DEPTOR: variants seen among roughly 807,000 people sequenced by gnomAD.
The protein encoded by DEPTOR is DEP domain containing MTOR interacting protein.
A neutral mutation model predicts 41.6 loss-of-function variants in DEPTOR; 41 were observed. The observed-to-expected ratio is 0.98, with a 90% CI of 0.77 to 1.28. The LOEUF (loss-of-function observed/expected upper bound fraction) is 1.28, where lower values mean the gene tolerates loss of function less well. DEPTOR is among the 50% of genes most tolerant of loss of function. The pLI is 0.00. For missense variants in DEPTOR, 514 were observed against 527.9 expected (o/e 0.97, Z 0.26); for synonymous variants, 195 against 192.3 (o/e 1.01, Z -0.12).
chr8:120,011,156 G>C (rs1812526590), intron 8 of DEPTOR, among the ~76,000 whole-genome samples: 1 of 152,198 alleles, frequency 6.6e-6, no homozygotes, highest in African/African-American at 2.4e-5. Flanking sequence ...GAAAAAATAA[G>C]TGGGCAACAG....
intron 8 of DEPTOR, among the ~76,000 whole-genome samples, chr8:120,038,240 G>C (rs186027300): frequency 0.01 from 1,531 of 146,300 alleles, 16 homozygotes; most frequent in Non-Finnish European, 0.014. Flanking sequence ...CTGCACTCCA[G>C]CCTGGGTGAC....
intron 8 of DEPTOR, among the ~76,000 whole-genome samples, chr8:120,012,569 C>T (rs1812546050): frequency 6.6e-6 from 1 of 151,904 alleles, no homozygotes; most frequent in South Asian, 2.1e-4. Context: ...CAGAGTCTGG[C>T]TTTGTTGCCC....
chr8:120,022,032 G>A (rs934403953), intron 8 of DEPTOR, among the ~76,000 whole-genome samples: 8 of 151,884 alleles, frequency 5.3e-5, no homozygotes, highest in Non-Finnish European at 1.2e-4. Flanking sequence ...CTACTGGCAC[G>A]TAGTAGTCCC....
intron 4 of DEPTOR, among the ~76,000 whole-genome samples, chr8:119,997,215 G>C (rs1314060642): frequency 1.3e-5 from 2 of 152,094 alleles, no homozygotes; most frequent in African/African-American, 2.4e-5. Flanking sequence ...AAAGTGCAGG[G>C]ATTACATGCA....
At chr8:119,894,080 G>T (rs1827483938) in intron 1 of DEPTOR, among the ~76,000 whole-genome samples, 1 of 152,010 alleles carries the variant, frequency 6.6e-6, no homozygotes, top group Admixed American at 6.6e-5. Flanking sequence ...CAGTTGTTTT[G>T]TTTTTTGATA....
intron 8 of DEPTOR, among the ~76,000 whole-genome samples, chr8:120,026,877 T>C (rs1215481433): frequency 6.6e-6 from 1 of 152,214 alleles, no homozygotes; most frequent in South Asian, 2.1e-4. Context: ...CAGAGACTAA[T>C]ATGATCTAGA....
chr8:119,948,351 G>A (rs1039407963), intron 3 of DEPTOR, among the ~76,000 whole-genome samples: 2 of 152,142 alleles, frequency 1.3e-5, no homozygotes, highest in Non-Finnish European at 2.9e-5. Flanking sequence ...GATGGAGGCT[G>A]CAGTGAGCCA....
intron 4 of DEPTOR, among the ~76,000 whole-genome samples, chr8:119,985,043 G>C (rs1360816398): frequency 2.0e-5 from 3 of 151,866 alleles, no homozygotes; most frequent in African/African-American, 7.3e-5. Context: ...TGTAGTGGCA[G>C]GTGCCTGTAA....
intron 1 of DEPTOR, among the ~76,000 whole-genome samples, chr8:119,907,071 C>A (rs1303448692): frequency 3.3e-5 from 5 of 152,154 alleles, no homozygotes; most frequent in Non-Finnish European, 7.3e-5. Context: ...ATGATTACAA[C>A]ACCAAAAGCA....
intron 1 of DEPTOR, among the ~76,000 whole-genome samples, chr8:119,888,801 AG>A (rs1296397739): frequency 1.4e-5 from 2 of 141,358 alleles, no homozygotes; most frequent in Non-Finnish European, 3.0e-5. Context: ...GGTTGCAGTG[AG>A]CAGAGATTAT....
chr8:119,902,766 A>T (rs1398268523), intron 1 of DEPTOR, among the ~76,000 whole-genome samples: 1 of 152,206 alleles, frequency 6.6e-6, no homozygotes, highest in Non-Finnish European at 1.5e-5. Context: ...CTTAAGATGC[A>T]GATTTCTTAA....
At chr8:120,048,833 C>T (rs139340737) in intron 8 of DEPTOR, among the ~76,000 whole-genome samples, 67 of 152,118 alleles carry the variant, frequency 4.4e-4, no homozygotes, top group African/African-American at 1.6e-3. Context: ...GCATTTATAT[C>T]GTTGAAACAT....
intron 1 of DEPTOR, among the ~76,000 whole-genome samples, chr8:119,895,342 A>T (rs73706221): frequency 9.9e-4 from 151 of 152,308 alleles, no homozygotes; most frequent in African/African-American, 3.5e-3. Flanking sequence ...ATAAAGGTGA[A>T]TACCACAACA....
At chr8:119,993,388 C>G (rs537120830) in intron 4 of DEPTOR, among the ~76,000 whole-genome samples, 2 of 152,080 alleles carry the variant, frequency 1.3e-5, no homozygotes, top group Non-Finnish European at 2.9e-5. Context: ...CCATTTAATA[C>G]GAAGTCAAGA....
At chr8:120,021,058 C>CAAAATAAAATAAAAT (rs147729205) in intron 8 of DEPTOR, among the ~76,000 whole-genome samples, 8,964 of 119,866 alleles carry the variant, frequency 0.075, 613 homozygotes, top group Non-Finnish European at 0.092. Flanking sequence ...GACTCTGTCT[C>CAAAATAAAATAAAAT]AAAATAAAAT....
At chr8:119,880,862 G>C (rs1196606822) in intron 1 of DEPTOR, among the ~76,000 whole-genome samples, 1 of 152,072 alleles carries the variant, frequency 6.6e-6, no homozygotes. Flanking sequence ...TATAATAAAG[G>C]GAATGCTTAA....
intron 4 of DEPTOR, among the ~76,000 whole-genome samples, chr8:119,996,542 G>C (rs900117174): frequency 6.6e-6 from 1 of 152,168 alleles, no homozygotes; most frequent in Non-Finnish European, 1.5e-5. Flanking sequence ...TGTTTGCCCT[G>C]TTGGTTATAG....
intron 8 of DEPTOR, among the ~76,000 whole-genome samples, chr8:120,020,701 T>A (rs1432733994): frequency 6.6e-6 from 1 of 152,160 alleles, no homozygotes; most frequent in East Asian, 1.9e-4. Flanking sequence ...AGTCTTAGCT[T>A]CACCACTTTT....
rs1363482826 is a variant in DEPTOR at position 120,034,297 on chromosome 8, A to ACACG, written c.1102-15277_1102-15276insCGCA. ...CACACACACACACACACACACACAC[A>ACACG]CATTGTATTCGTAGCTGAGATCAGA... On this transcript the variant is annotated intron_variant, in intron 8 of 8. Transcript: ENST00000286234. Among the ~76,000 whole-genome samples the ACACG allele has an allele frequency of 5.4e-5, 8 of 146,866 alleles. No individual in the cohort carries two copies. In the South Asian group the frequency reaches 6.5e-4, roughly 12 times the overall value.
Sources: gnomAD v4.1 joint callset for allele counts (sites outside exome capture counted in the v4.1 genomes callset) on GRCh38, gnomAD v4.1.1 for gene constraint, MANE v1.5 for transcripts, NCBI Gene and HGNC (gene_info 2026-07-23, HGNC 2026-07-21) for gene names.